The following TP63 variants were observed in gnomAD, a reference collection of about 807,000 sequenced individuals.
The protein encoded by TP63 is tumor protein p63, also known as tumor protein 63.
In TP63, 17 loss-of-function variants were observed where a neutral mutation model predicts 82.8. The ratio of observed to expected loss-of-function variants is 0.21; its 90% CI spans 0.14 to 0.31. The LOEUF (loss-of-function observed/expected upper bound fraction) is 0.31, where lower values mean the gene tolerates loss of function less well. Ranked by LOEUF, TP63 falls within the 10% of genes least tolerant of loss-of-function variation. The pLI, the probability that TP63 is intolerant of heterozygous loss-of-function variation, is 1.00. For synonymous variants in TP63, 330 were observed against 321.7 expected (o/e 1.03, Z -0.28); for missense variants, 648 against 895.3 (o/e 0.72, Z 3.52).
intron 1 of TP63, among the ~76,000 whole-genome samples, chr3:189,664,985 T>C (rs1186952697): frequency 6.6e-6 from 1 of 152,162 alleles, no homozygotes; most frequent in Non-Finnish European, 1.5e-5. Flanking sequence ...ATAGCCATTA[T>C]TAAAAAATAA....
At chr3:189,623,909 A>G in the TP63 span, among the ~76,000 whole-genome samples, 1 of 152,188 alleles carries the variant, frequency 6.6e-6, no homozygotes, top group South Asian at 2.1e-4. Flanking sequence ...ACAACAGTCA[A>G]AGCTATTATT....
At chr3:189,739,098 G>T (rs907033449) in intron 3 of TP63, among the ~76,000 whole-genome samples, 1 of 152,050 alleles carries the variant, frequency 6.6e-6, no homozygotes, top group Non-Finnish European at 1.5e-5. Context: ...GACAGCAAAA[G>T]AATCAGAAAT....
At chr3:189,891,965 G>A (rs1006856675) in intron 13 of TP63, among the ~76,000 whole-genome samples, 4 of 152,126 alleles carry the variant, frequency 2.6e-5, no homozygotes, top group African/African-American at 9.7e-5. Flanking sequence ...CCCACCATGA[G>A]GTGACGTGTA....
intron 4 of TP63, among the ~76,000 whole-genome samples, chr3:189,851,817 G>A (rs556923188): frequency 6.6e-6 from 1 of 152,228 alleles, no homozygotes; most frequent in South Asian, 2.1e-4. Context: ...ACCCCGTGAA[G>A]GTGAAAGTTC....
intron 1 of TP63, among the ~76,000 whole-genome samples, chr3:189,725,497 C>T (rs1224821351): frequency 2.0e-5 from 3 of 152,032 alleles, no homozygotes; most frequent in Non-Finnish European, 2.9e-5. Context: ...ATACGTATCC[C>T]GTTGTGATAA....
intron 4 of TP63, among the ~76,000 whole-genome samples, chr3:189,833,818 TA>T (rs1712723733): frequency 6.6e-6 from 1 of 152,180 alleles, no homozygotes; most frequent in Admixed American, 6.5e-5. Context: ...CCACTGAATT[TA>T]AAAATTAGAG....
At chr3:189,816,359 A>G (rs971892154) in intron 4 of TP63, among the ~76,000 whole-genome samples, 1 of 152,178 alleles carries the variant, frequency 6.6e-6, no homozygotes, top group African/African-American at 2.4e-5. Context: ...CTCTTGGTAC[A>G]TTTCCATACA....
the TP63 span, among the ~76,000 whole-genome samples, chr3:189,603,659 A>G: frequency 8.3e-6 from 1 of 120,432 alleles, no homozygotes; most frequent in Admixed American, 8.0e-5. Flanking sequence ...TTAAAAAAAA[A>G]AAAAAAAAAA....
the TP63 span, among the ~76,000 whole-genome samples, chr3:189,604,025 A>T: frequency 6.6e-6 from 1 of 151,972 alleles, no homozygotes; most frequent in African/African-American, 2.4e-5. Flanking sequence ...ACACTTGAAA[A>T]ATATATATAT....
intron 3 of TP63, among the ~76,000 whole-genome samples, chr3:189,739,869 G>A (rs1720857368): frequency 6.6e-6 from 1 of 151,778 alleles, no homozygotes. Flanking sequence ...CTAGTGGGGG[G>A]AAGCTAGACA....
chr3:189,792,801 T>A lies in TP63; in HGVS notation c.325-15471T>A, dbSNP rs141103483. Among the ~76,000 whole-genome samples, 39 of 152,154 alleles carry A rather than the reference T, an allele frequency of 2.6e-4. 1 individual carries two copies. In the East Asian group the frequency reaches 7.6e-3, roughly 30 times the overall value. ...GAACAGTTGTACAAAGCCAGTTGAATGCAAGAAAAAAAGTGTGGAGACAGC... is the reference window on the plus strand; with the variant it reads ...GAACAGTTGTACAAAGCCAGTTGAAAGCAAGAAAAAAAGTGTGGAGACAGC... On this transcript the variant is annotated intron_variant, in intron 3 of 13. Coordinates refer to ENST00000264731, the MANE Select transcript of TP63 (RefSeq NM_003722.5).
intron 12 of TP63, among the ~76,000 whole-genome samples, chr3:189,890,375 G>A (rs912314386): frequency 5.3e-5 from 8 of 152,112 alleles, no homozygotes; most frequent in African/African-American, 1.9e-4. Flanking sequence ...TTAACCACAT[G>A]AGCCATTCTC....
At chr3:189,747,406 GACA>G (rs145243083) in intron 3 of TP63, among the ~76,000 whole-genome samples, 4,243 of 152,032 alleles carry the variant, frequency 0.028, 77 homozygotes, top group Admixed American at 0.051. Flanking sequence ...TTTCTTCATA[GACA>G]ACAATGGGAT....
At chr3:189,694,290 A>G (rs189691165) in intron 1 of TP63, among the ~76,000 whole-genome samples, 84 of 152,358 alleles carry the variant, frequency 5.5e-4, no homozygotes, top group African/African-American at 1.9e-3. Context: ...TTATTATGGT[A>G]TATTTGCCAC....
At chr3:189,701,338 T>C (rs1197689670) in intron 1 of TP63, among the ~76,000 whole-genome samples, 4 of 151,938 alleles carry the variant, frequency 2.6e-5, no homozygotes, top group African/African-American at 9.7e-5. Flanking sequence ...TATGTCTGAG[T>C]ATCACAGTAA....
chr3:189,633,382 C>T (rs556917506), intron 1 of TP63, among the ~76,000 whole-genome samples: 3 of 152,150 alleles, frequency 2.0e-5, no homozygotes, highest in East Asian at 3.9e-4. Context: ...CCTCCTCCCA[C>T]CTTCCACCCT....
intron 1 of TP63, among the ~76,000 whole-genome samples, chr3:189,717,109 TTCTA>T (rs1280689300): frequency 1.3e-5 from 2 of 152,024 alleles, no homozygotes; most frequent in East Asian, 1.9e-4. Context: ...CTTAGTAACT[TTCTA>T]TCTAATTCAC....
intron 4 of TP63, among the ~76,000 whole-genome samples, chr3:189,823,795 G>A (rs2108680922): frequency 6.6e-6 from 1 of 152,208 alleles, no homozygotes; most frequent in East Asian, 1.9e-4. Flanking sequence ...ATGATGGGGT[G>A]AAAGTGATTT....
chr3:189,795,286 A>G (rs554116892), intron 3 of TP63, among the ~76,000 whole-genome samples: 2 of 152,206 alleles, frequency 1.3e-5, no homozygotes, highest in South Asian at 2.1e-4. Context: ...CTGAAAACTT[A>G]TAATAGTCAC....
Sources: gnomAD v4.1 joint callset for allele counts (sites outside exome capture counted in the v4.1 genomes callset) on GRCh38, gnomAD v4.1.1 for gene constraint, MANE v1.5 for transcripts, NCBI Gene and HGNC (gene_info 2026-07-23, HGNC 2026-07-21) for gene names.